ABCA1: variants seen among roughly 807,000 people sequenced by gnomAD.
ABCA1 encodes the protein phospholipid-transporting ATPase ABCA1.
ABCA1 carries 133 observed loss-of-function variants against 262.5 expected under a neutral mutation model. The ratio of observed to expected loss-of-function variants is 0.51; its 90% CI spans 0.44 to 0.59. The LOEUF is 0.59. Ranked by LOEUF, ABCA1 falls within the 20% of genes least tolerant of loss-of-function variation. The pLI is 0.00. For synonymous variants in ABCA1, 1,022 were observed against 1,043.5 expected (o/e 0.98, Z 0.40); for missense variants, 2,452 against 2,777.5 (o/e 0.88, Z 2.63).
At chr9:104,835,433 C>T (rs1833733436) in intron 11 of ABCA1, among the ~76,000 whole-genome samples, 1 of 152,062 alleles carries the variant, frequency 6.6e-6, no homozygotes, top group Non-Finnish European at 1.5e-5. Context: ...AGCTAGAAAT[C>T]GAGACTCACT....
chr9:104,877,282 C>A (rs1358168995), intron 5 of ABCA1, among the ~76,000 whole-genome samples: 2 of 152,222 alleles, frequency 1.3e-5, no homozygotes, highest in Non-Finnish European at 2.9e-5. Context: ...CCTCACAATA[C>A]CCTGTGAAGT....
Position 104,816,276 on chromosome 9 carries a change from T to C in ABCA1, c.3605A>G (p.His1202Arg). Residue 1202 changes from histidine to arginine, a missense_variant, in exon 25 of 50, where the codon CAT becomes CGT. His to Arg is a conservative substitution (Grantham distance 29). Transcript: ENST00000374736. ...ATATGGCAGCACATAGGTCAGCTCA[T>C]GCCCTATGTCTTCCACCAGCCGGGC... Reference protein sequence around the residue: ...SEARLVEDIGHELTYVLPYEA... With the variant: ...SEARLVEDIGRELTYVLPYEA... 1.9e-6 allele frequency: 3 copies of C among 1,614,176 alleles called. No homozygotes were observed. The highest frequency in any genetic ancestry group is 2.2e-5 in the East Asian group (1 of 44,872).
chr9:104,838,857 T>C (rs1302915567), intron 9 of ABCA1, among the ~76,000 whole-genome samples: 4 of 151,904 alleles, frequency 2.6e-5, no homozygotes, highest in African/African-American at 9.7e-5. Flanking sequence ...AAGTCTGTCA[T>C]GGAAATGAAG....
rs1389439047 is a variant in ABCA1, at chr9:104,856,959, C to T, written c.720+1563G>A. Among the ~76,000 whole-genome samples, 11 of 152,222 alleles carry T rather than the reference C, an allele frequency of 7.2e-5. No individual in the cohort carries two copies. The South Asian group carries it at 1.2e-3, about 17-fold the overall frequency. Reference sequence around the variant, plus strand: ...AGTCAGCTTCTCTAACTTTTTAGGCCAGTTACTTAGGGTTGCAAAGATCCC... The same window carrying T: ...AGTCAGCTTCTCTAACTTTTTAGGCTAGTTACTTAGGGTTGCAAAGATCCC... On this transcript the variant is annotated intron_variant, in intron 7 of 49. Coordinates refer to ENST00000374736, the MANE Select transcript of ABCA1 (RefSeq NM_005502.4).
chr9:104,907,997 A>G (rs1295978850), intron 1 of ABCA1, among the ~76,000 whole-genome samples: 1 of 152,238 alleles, frequency 6.6e-6, no homozygotes, highest in Non-Finnish European at 1.5e-5. Context: ...TGCCACTGAT[A>G]TTTTGAAGTT....
intron 32 of ABCA1, among the ~76,000 whole-genome samples, 153 bp downstream of exon 32, chr9:104,804,473 C>A (rs541738460): frequency 1.1e-4 from 17 of 152,324 alleles, no homozygotes; most frequent in African/African-American, 4.1e-4. Flanking sequence ...CTCTCGTCAT[C>A]TTTTCTAGTT....
intron 5 of ABCA1, among the ~76,000 whole-genome samples, chr9:104,864,379 A>C (rs1836890984): frequency 6.6e-6 from 1 of 152,032 alleles, no homozygotes; most frequent in African/African-American, 2.4e-5. Flanking sequence ...ATCCGGGGTC[A>C]CTTTCTGTTC....
chr9:104,845,454 G>A lies in ABCA1; in HGVS notation c.813+23C>T, dbSNP rs1834782984. 5.1e-6 allele frequency: 8 copies of A among 1,565,494 alleles called. No individual in the cohort carries two copies. In the East Asian group the frequency reaches 1.1e-4, roughly 22 times the overall value. ...TGATACAGTGGATGATCCGCTTCCT[G>A]GTACTGGAAAGACACAACTTACCTC... On this transcript the variant is annotated intron_variant, in intron 8 of 49. Transcript: ENST00000374736.
chr9:104,792,108 C>A, intron 42 of ABCA1, 110 bp from the exon 43 acceptor site: 3 of 983,588 alleles, frequency 3.1e-6, no homozygotes, highest in South Asian at 2.7e-5. Context: ...TAAGACTTGT[C>A]AATAACCCTA....
intron 7 of ABCA1, among the ~76,000 whole-genome samples, chr9:104,857,901 T>C (rs915548504): frequency 2.6e-5 from 4 of 152,202 alleles, no homozygotes; most frequent in African/African-American, 9.7e-5. Context: ...TCTGGAACTA[T>C]ATAAAACACT....
At chr9:104,794,532 G>T in intron 39 of ABCA1, 22 bp from the exon 40 acceptor site, 8 of 893,468 alleles carry the variant, frequency 9.0e-6, no homozygotes, top group Non-Finnish European at 1.4e-5. Flanking sequence ...AAAAAAAAAT[G>T]GGAGGGAAGG....
Position 104,809,466 on chromosome 9 carries a change from G to C in ABCA1, c.4274C>G (p.Pro1425Arg). Residue 1425 changes from proline to arginine, a missense_variant and splice_region_variant, in exon 30 of 50, where the codon CCA becomes CGA. Pro to Arg is a moderately radical substitution (Grantham distance 103). Coordinates refer to ENST00000374736, the MANE Select transcript of ABCA1 (RefSeq NM_005502.4). ...GTRCMEGNPI[P>R]DTPCQAGEEE... ...TGCTTATGGCTAAAGTGGCACTCACGGGATTGGGTTTCCTTCCATACAGCG... is the reference window on the plus strand; with the variant it reads ...TGCTTATGGCTAAAGTGGCACTCACCGGATTGGGTTTCCTTCCATACAGCG... 6.2e-7 allele frequency: 1 copy of C among 1,614,096 alleles called. No homozygotes were observed. The highest frequency in any genetic ancestry group is 2.2e-5 in the East Asian group (1 of 44,876).
At chr9:104,801,248 C>T (rs1830309348) in intron 34 of ABCA1, among the ~76,000 whole-genome samples, 1 of 151,970 alleles carries the variant, frequency 6.6e-6, no homozygotes, top group African/African-American at 2.4e-5. Flanking sequence ...GAGATGGAGT[C>T]TTGCTCTGTC....
rs1193729366 is a variant in ABCA1 at position 104,858,575 on chromosome 9, C to T, written c.667G>A (p.Ala223Thr). 3 of 1,614,166 alleles carry T rather than the reference C, an allele frequency of 1.9e-6. No homozygotes were observed. The South Asian group carries it at 3.3e-5, about 18-fold the overall frequency. The change falls in exon 7 of 50, where the codon GCT becomes ACT. Residue 223 changes from alanine (A) to threonine (T), a missense_variant. Transcript: ENST00000374736. ...ELCGLPREKL[A>T]AAERVLRSNM... is the part of the protein sequence containing the mutation. The stretch of plus-strand genomic sequence containing the variant: ...GAACGAAGTACTCGCTCTGCTGCAG[C>T]CAGTTTCTCCCTTGGTAGGCCACAA...
chr9:104,845,252 C>T (rs1196321794), intron 8 of ABCA1, among the ~76,000 whole-genome samples: 1 of 152,258 alleles, frequency 6.6e-6, no homozygotes, highest in African/African-American at 2.4e-5. Context: ...AGATATCCAG[C>T]TGTTAGCCAC....
At chr9:104,807,504 A>G (rs1830870323) in intron 30 of ABCA1, among the ~76,000 whole-genome samples, 1 of 152,200 alleles carries the variant, frequency 6.6e-6, no homozygotes, top group African/African-American at 2.4e-5. Context: ...TACAGCAATT[A>G]TTTCCTTATT....
At position 104,796,305 on chromosome 9, in the gene ABCA1, T is replaced by C. The variant is rs1829894362; in HGVS notation, c.5237+4A>G. 1 of 1,614,058 alleles carries C rather than the reference T, an allele frequency of 6.2e-7. No individual in the cohort carries two copies. Among genetic ancestry groups the C allele is most frequent in the East Asian group, 2.2e-5 (1 of 44,872 alleles). On this transcript the variant is annotated splice_donor_region_variant and intron_variant, in intron 38 of 49. Transcript: ENST00000374736. ...TGCAGCTCCCTCACTCAGAGGTGAC[T>C]TACCCATACAGCAAAAGTAGAAGGG...
intron 18 of ABCA1, 62 bp downstream of exon 18, chr9:104,824,403 C>T (rs1484264643): frequency 1.2e-6 from 2 of 1,609,976 alleles, no homozygotes; most frequent in East Asian, 4.5e-5. Flanking sequence ...CGCTTGCCCC[C>T]AACAGTTAGC....
chr9:104,792,989 C>T (rs1829560722), intron 41 of ABCA1, 83 bp from the exon 42 acceptor site: 1 of 1,605,888 alleles, frequency 6.2e-7, no homozygotes, highest in African/African-American at 1.3e-5. Context: ...TATTATAAAA[C>T]CTACTTGCCA....
Sources: allele counts gnomAD v4.1 joint callset (sites outside exome capture counted in the v4.1 genomes callset), GRCh38; gene constraint gnomAD v4.1.1; transcripts MANE v1.5; gene names NCBI Gene and HGNC (gene_info 2026-07-23, HGNC 2026-07-21).